ARHGAP26: variants seen among roughly 807,000 people sequenced by gnomAD.
ARHGAP26 encodes Rho GTPase activating protein 26, also known as rho GTPase-activating protein 26.
A neutral mutation model predicts 104.8 loss-of-function variants in ARHGAP26; 38 were observed. The observed-to-expected ratio is 0.36, with a 90% CI of 0.28 to 0.48. ARHGAP26 has a LOEUF of 0.48. Among genes scored for constraint, ARHGAP26 ranks in the 20% least tolerant of loss-of-function variants. The pLI is 0.99. For synonymous variants in ARHGAP26, 341 were observed against 340.0 expected (o/e 1.00, Z -0.03); for missense variants, 704 against 947.9 (o/e 0.74, Z 3.38).
At chr5:143,054,263 A>C (rs778977317) in intron 14 of ARHGAP26, among the ~76,000 whole-genome samples, 176 bp from the exon 15 acceptor site, 1 of 152,240 alleles carries the variant, frequency 6.6e-6, no homozygotes, top group Non-Finnish European at 1.5e-5. Context: ...TCTTGCCAGC[A>C]AGAGATATTG....
At chr5:143,023,145 T>C (rs757616814) in intron 12 of ARHGAP26, among the ~76,000 whole-genome samples, 23 of 152,240 alleles carry the variant, frequency 1.5e-4, no homozygotes, top group Non-Finnish European at 2.8e-4. Flanking sequence ...CAACACAACA[T>C]AATGCTTTAT....
At chr5:143,080,903 C>T (rs978828082) in intron 17 of ARHGAP26, among the ~76,000 whole-genome samples, 1 of 151,826 alleles carries the variant, frequency 6.6e-6, no homozygotes, top group African/African-American at 2.4e-5. Context: ...ACACTGGGGC[C>T]TGGACTAGGG....
chr5:143,084,282 G>T (rs900034307), intron 17 of ARHGAP26, among the ~76,000 whole-genome samples: 15 of 152,130 alleles, frequency 9.9e-5, no homozygotes, highest in Non-Finnish European at 4.4e-5. Flanking sequence ...TATTAAAATA[G>T]AAAAAAGAGA....
At chr5:143,116,767 A>G (rs1007057237) in intron 17 of ARHGAP26, among the ~76,000 whole-genome samples, 2 of 152,236 alleles carry the variant, frequency 1.3e-5, no homozygotes, top group Non-Finnish European at 2.9e-5. Context: ...AGGTGGCAAG[A>G]GGCCCCTCTG....
At chr5:143,154,045 A>G (rs1440777243) in intron 20 of ARHGAP26, among the ~76,000 whole-genome samples, 1 of 152,020 alleles carries the variant, frequency 6.6e-6, no homozygotes, top group African/African-American at 2.4e-5. Context: ...TATCTCTCAA[A>G]TTTTACTAAT....
chr5:143,124,085 C>T (rs561797638), intron 18 of ARHGAP26, among the ~76,000 whole-genome samples: 1 of 152,210 alleles, frequency 6.6e-6, no homozygotes, highest in Non-Finnish European at 1.5e-5. Flanking sequence ...TCCAGCAGCA[C>T]CTTTTCATGT....
chr5:143,108,466 T>G (rs1196889530), intron 17 of ARHGAP26, among the ~76,000 whole-genome samples: 1 of 152,178 alleles, frequency 6.6e-6, no homozygotes, highest in Non-Finnish European at 1.5e-5. Flanking sequence ...TAATCAAATA[T>G]CCAAACATAA....
intron 9 of ARHGAP26, among the ~76,000 whole-genome samples, chr5:142,912,779 G>A (rs1445100028): frequency 6.6e-6 from 1 of 152,134 alleles, no homozygotes; most frequent in South Asian, 2.1e-4. Context: ...TGTACATGGT[G>A]CTTTGTGAAC....
chr5:143,030,701 C>T (rs185025470), intron 12 of ARHGAP26, among the ~76,000 whole-genome samples: 2 of 152,366 alleles, frequency 1.3e-5, no homozygotes, highest in Non-Finnish European at 2.9e-5. Flanking sequence ...TGACACACTG[C>T]CCCTCGGCAA....
chr5:142,940,785 T>A (rs245779), intron 11 of ARHGAP26, among the ~76,000 whole-genome samples: 78,821 of 151,970 alleles, frequency 0.52, 25,436 homozygotes, highest in East Asian at 0.91. Context: ...TCTTTATGGT[T>A]AAAGAATTTG....
Position 142,771,109 on chromosome 5 carries a change from G to T in ARHGAP26, c.154+194G>T, listed in dbSNP as rs79522923. The T allele has an allele frequency of 4.6e-6, 6 of 1,317,738 alleles. No individual in the cohort carries two copies. The East Asian group carries it at 1.8e-4, about 40-fold the overall frequency. The allele number at this position is 1,317,738 out of a possible 1,614,324, so 81.6% of individuals were successfully genotyped here. A position where few individuals can be genotyped will look rare whatever the true frequency, so the allele number is the denominator to read the frequency against. ...AACCATCAGATGAAGAGAGAGACCC[G>T]TCGCTCCGCCTTTTGCGTTCAGGGA... On this transcript the variant is annotated intron_variant, in intron 1 of 22. Coordinates refer to ENST00000645722, the MANE Select transcript of ARHGAP26 (RefSeq NM_001135608.3).
chr5:143,137,129 T>C (rs1470445455), intron 19 of ARHGAP26, among the ~76,000 whole-genome samples: 1 of 152,208 alleles, frequency 6.6e-6, no homozygotes, highest in Non-Finnish European at 1.5e-5. Flanking sequence ...ACTTCAATGG[T>C]CTCACTGTAT....
chr5:142,786,806 C>T (rs1758746925), intron 1 of ARHGAP26, among the ~76,000 whole-genome samples: 2 of 151,982 alleles, frequency 1.3e-5, no homozygotes, highest in South Asian at 4.2e-4. Context: ...GCTACCACAG[C>T]CGGCTAATTT....
Position 142,877,000 on chromosome 5 carries a change from A to T in ARHGAP26, c.312+1829A>T, listed in dbSNP as rs185220111. On this transcript the variant is annotated intron_variant, in intron 3 of 22. Coordinates refer to ENST00000645722, the MANE Select transcript of ARHGAP26 (RefSeq NM_001135608.3). ...CATGTGCTGGTGCCTAAGAAAGGGA[A>T]ATGATTCTTTTGAGTCTGATTCTTG... 1.6e-4 allele frequency among the ~76,000 whole-genome samples: 25 copies of T among 151,952 alleles called. No individual in the cohort carries two copies. The South Asian group carries it at 2.7e-3, about 16-fold the overall frequency.
intron 1 of ARHGAP26, among the ~76,000 whole-genome samples, chr5:142,827,690 C>G (rs1256269480): frequency 1.3e-5 from 2 of 152,186 alleles, no homozygotes; most frequent in African/African-American, 4.8e-5. Context: ...CTGTTCCTGG[C>G]TCTGCTGCTT....
At chr5:142,843,266 A>C (rs1771172156) in intron 1 of ARHGAP26, among the ~76,000 whole-genome samples, 1 of 152,218 alleles carries the variant, frequency 6.6e-6, no homozygotes, top group Admixed American at 6.5e-5. Flanking sequence ...CTTCCCAAGC[A>C]TGCAGCTGAG....
intron 17 of ARHGAP26, among the ~76,000 whole-genome samples, chr5:143,077,323 T>C (rs1222887733): frequency 1.3e-5 from 2 of 152,182 alleles, no homozygotes; most frequent in East Asian, 3.8e-4. Flanking sequence ...AGACCTGGAA[T>C]ATCAGGGAAG....
intron 1 of ARHGAP26, among the ~76,000 whole-genome samples, chr5:142,857,574 A>T (rs1198180245): frequency 6.6e-6 from 1 of 152,072 alleles, no homozygotes; most frequent in Non-Finnish European, 1.5e-5. Flanking sequence ...TTTCTTTCTC[A>T]CTGTCCTAGG....
rs114543599 is a variant in ARHGAP26 at position 142,979,923 on chromosome 5, G to A, written c.1108-34157G>A. Among the ~76,000 whole-genome samples, 596 of 152,328 alleles carry A rather than the reference G, an allele frequency of 3.9e-3. 6 individuals carry two copies. Among genetic ancestry groups the A allele is most frequent in the Middle Eastern group, 0.024 (7 of 294 alleles). ...CGGAGTGAGGCCTTCAGAGAGGAAT[G>A]TCACCTGGAGTGGATAATGCTTGTT... On this transcript the variant is annotated intron_variant, in intron 11 of 22. Transcript: ENST00000645722.
Sources: allele counts gnomAD v4.1 joint callset (sites outside exome capture counted in the v4.1 genomes callset), GRCh38; gene constraint gnomAD v4.1.1; transcripts MANE v1.5; gene names NCBI Gene and HGNC (gene_info 2026-07-23, HGNC 2026-07-21).